The following ADGRL2 variants were observed in gnomAD, a reference collection of about 807,000 sequenced individuals.
ADGRL2 encodes the protein calcium-independent alpha-latrotoxin receptor 2.
A neutral mutation model predicts 157.4 loss-of-function variants in ADGRL2; 44 were observed. That is an observed-to-expected ratio of 0.28 (90% CI 0.22 to 0.36). ADGRL2 has a LOEUF of 0.36. Ranked by LOEUF, ADGRL2 falls within the 10% of genes least tolerant of loss-of-function variation. ADGRL2 has a pLI of 1.00. For missense variants in ADGRL2, 1,510 were observed against 1,768.9 expected, an observed-to-expected ratio of 0.85 and a Z score of 2.63; for synonymous variants, 585 against 624.7, an observed-to-expected ratio of 0.94 and a Z score of 0.95.
intron 2 of ADGRL2, among the ~76,000 whole-genome samples, chr1:81,899,385 CT>C: frequency 6.6e-6 from 1 of 152,156 alleles, no homozygotes; most frequent in Non-Finnish European, 1.5e-5. Flanking sequence ...GGAATTACCC[CT>C]GAATGTGAAT....
chr1:81,421,458 C>T (rs2101544737), intron 1 of ADGRL2, among the ~76,000 whole-genome samples: 1 of 152,280 alleles, frequency 6.6e-6, no homozygotes, highest in East Asian at 1.9e-4. Context: ...GCAATGATAG[C>T]TATAAAATCC....
intron 1 of ADGRL2, among the ~76,000 whole-genome samples, chr1:81,710,061 C>A (rs1426660618): frequency 2.0e-5 from 3 of 152,076 alleles, no homozygotes; most frequent in Non-Finnish European, 4.4e-5. Flanking sequence ...AGGCAAGAAA[C>A]AAAGCTAGGG....
At chr1:81,410,071 G>C (rs1014698540) in intron 1 of ADGRL2, among the ~76,000 whole-genome samples, 2 of 152,208 alleles carry the variant, frequency 1.3e-5, no homozygotes, top group African/African-American at 4.8e-5. Context: ...ACAAAGCTTA[G>C]ACTGTCACGT....
chr1:81,955,690 C>A, intron 10 of ADGRL2, 187 bp from the exon 11 acceptor site: 1 of 428,684 alleles, frequency 2.3e-6, no homozygotes, highest in Non-Finnish European at 4.2e-6. Context: ...TCAGTCAGTC[C>A]TGTTTTAAAA....
chr1:81,473,852 A>C (rs2078220986), intron 2 of ADGRL2, among the ~76,000 whole-genome samples: 1 of 152,236 alleles, frequency 6.6e-6, no homozygotes. Context: ...TACAGAGCTG[A>C]AGAGGAGACT....
At chr1:81,670,539 C>T (rs146454347) in intron 3 of ADGRL2, among the ~76,000 whole-genome samples, 4 of 152,186 alleles carry the variant, frequency 2.6e-5, no homozygotes, top group Admixed American at 6.5e-5. Flanking sequence ...AGCAGTGCCA[C>T]GCTGGCAGTA....
chr1:81,907,391 T>C (rs772356881), intron 3 of ADGRL2, among the ~76,000 whole-genome samples, 161 bp downstream of exon 3: 5 of 152,228 alleles, frequency 3.3e-5, no homozygotes, highest in Non-Finnish European at 7.3e-5. Flanking sequence ...ACTTTATATT[T>C]TCATCAACAT....
intron 1 of ADGRL2, among the ~76,000 whole-genome samples, chr1:81,702,375 A>G (rs1029566669): frequency 4.6e-5 from 7 of 152,212 alleles, no homozygotes; most frequent in Non-Finnish European, 1.0e-4. Context: ...GGAAGGTGAC[A>G]ATAAAAACAC....
chr1:81,513,636 C>T (rs1026075239), intron 2 of ADGRL2, among the ~76,000 whole-genome samples: 2 of 152,136 alleles, frequency 1.3e-5, no homozygotes, highest in African/African-American at 4.8e-5. Flanking sequence ...AATCCCCAGA[C>T]TGCCTGAATC....
At chr1:81,534,042 G>A (rs1336329845) in intron 2 of ADGRL2, among the ~76,000 whole-genome samples, 3 of 152,182 alleles carry the variant, frequency 2.0e-5, no homozygotes, top group Admixed American at 6.5e-5. Flanking sequence ...ACCCAAATTT[G>A]AATTCTGGTT....
chr1:81,602,157 T>C (rs577016535), intron 3 of ADGRL2, among the ~76,000 whole-genome samples: 1 of 152,304 alleles, frequency 6.6e-6, no homozygotes, highest in African/African-American at 2.4e-5. Flanking sequence ...TAATTGGAGA[T>C]ATTAAAATGA....
In ADGRL2 at chr1:81,952,076, C is replaced by A; in HGVS notation, c.1728C>A (p.Ile576=). The part of the protein sequence containing the change: ...SVRLMEQLVD[I]LDAQLQELKP... ...GATTGATGGAGCAGTTGGTGGACAT[C>A]CTTGATGCACAGCTGCAGGAACTGA... The change falls in exon 9 of 24, where the codon ATC becomes ATA. Residue 576 remains isoleucine (I), a synonymous_variant. Coordinates refer to ENST00000686636, the MANE Select transcript of ADGRL2 (RefSeq NM_001366006.2). 2 of 1,613,472 alleles carry A rather than the reference C, an allele frequency of 1.2e-6. No homozygotes were observed. The highest frequency in any genetic ancestry group is 4.5e-5 in the East Asian group (2 of 44,822).
At chr1:81,543,131 G>A (rs2079927862) in intron 2 of ADGRL2, among the ~76,000 whole-genome samples, 1 of 151,562 alleles carries the variant, frequency 6.6e-6, no homozygotes, top group Non-Finnish European at 1.5e-5. Context: ...TGTGACTATA[G>A]GACCCTGGAA....
intron 1 of ADGRL2, among the ~76,000 whole-genome samples, chr1:81,822,650 C>CTA (rs1177128297): frequency 6.6e-6 from 1 of 152,026 alleles, no homozygotes. Flanking sequence ...GTATCTAGGG[C>CTA]TATAGGCCTG....
intron 1 of ADGRL2, among the ~76,000 whole-genome samples, chr1:81,747,282 T>C (rs1010702468): frequency 2.7e-5 from 4 of 149,200 alleles, no homozygotes; most frequent in Non-Finnish European, 5.9e-5. Flanking sequence ...TATATACATG[T>C]GCATACATGT....
At chr1:81,510,720 T>C (rs901372562) in intron 2 of ADGRL2, among the ~76,000 whole-genome samples, 2 of 152,214 alleles carry the variant, frequency 1.3e-5, no homozygotes, top group African/African-American at 4.8e-5. Context: ...TTTTTGTCAT[T>C]TTCAAGGTGT....
chr1:81,606,497 GCACA>G (rs59187962), intron 3 of ADGRL2, among the ~76,000 whole-genome samples: 14 of 149,372 alleles, frequency 9.4e-5, no homozygotes, highest in Non-Finnish European at 1.8e-4. Context: ...TCATGCACAT[GCACA>G]CACACACACA....
chr1:81,779,419 T>C (rs1469200011), intron 2 of ADGRL2, among the ~76,000 whole-genome samples: 3 of 152,162 alleles, frequency 2.0e-5, no homozygotes, highest in Non-Finnish European at 4.4e-5. Context: ...GAATTTTATG[T>C]CTTCAACTTA....
intron 20 of ADGRL2, among the ~76,000 whole-genome samples, 174 bp downstream of exon 20, chr1:81,984,885 T>G (rs1270646330): frequency 6.6e-6 from 1 of 152,096 alleles, no homozygotes; most frequent in Non-Finnish European, 1.5e-5. Flanking sequence ...CAGTGTTTCT[T>G]TATATGTGAA....
Sources: gnomAD v4.1 joint callset for allele counts (sites outside exome capture counted in the v4.1 genomes callset) on GRCh38, gnomAD v4.1.1 for gene constraint, MANE v1.5 for transcripts, NCBI Gene and HGNC (gene_info 2026-07-23, HGNC 2026-07-21) for gene names.